CAND2: variants seen among roughly 807,000 people sequenced by gnomAD.
CAND2 encodes the protein cullin associated and neddylation dissociated 2 (putative).
A neutral mutation model predicts 98.9 loss-of-function variants in CAND2; 62 were observed. The ratio of observed to expected loss-of-function variants is 0.63; its 90% CI spans 0.51 to 0.77. The LOEUF (loss-of-function observed/expected upper bound fraction) is 0.77. Ranked by LOEUF, CAND2 falls within the 30% of genes least tolerant of loss-of-function variation. The pLI, the probability that CAND2 is intolerant of heterozygous loss-of-function variation, is 0.00. For missense variants in CAND2, 1,501 were observed against 1,655.2 expected (o/e 0.91, Z 1.62); for synonymous variants, 770 against 731.9 (o/e 1.05, Z -0.84).
rs57339700 is a variant in CAND2, at chr3:12,818,935, A to G, written c.2944+1059A>G. Among the ~76,000 whole-genome samples the G allele has an allele frequency of 7.6e-3, 1,153 of 152,210 alleles. 20 individuals carry two copies. The highest frequency in any genetic ancestry group is 0.026 in the African/African-American group (1,087 of 41,530). ...GGAGCCCTGCTTTGCCTAAACACCTATTTGTTTCTATCTCACGTGCACTGT... is the reference window on the plus strand; with the variant it reads ...GGAGCCCTGCTTTGCCTAAACACCTGTTTGTTTCTATCTCACGTGCACTGT... On this transcript the variant is annotated intron_variant, in intron 10 of 14. Coordinates refer to ENST00000456430, the MANE Select transcript of CAND2 (RefSeq NM_001162499.2).
Position 12,803,581 on chromosome 3 carries a change from C to G in CAND2, c.162C>G (p.Leu54=), listed in dbSNP as rs1433371368. The change falls in exon 2 of 15, where the codon CTC becomes CTG. Residue 54 remains leucine (L), a synonymous_variant. Transcript: ENST00000456430. ...DSERKVVKML[L]RLLEDKNGEV... ...AGCGCAAGGTGGTGAAGATGCTGCTCCGGCTCCTGGAGGACAAGAACGGTG... is the reference window on the plus strand; with the variant it reads ...AGCGCAAGGTGGTGAAGATGCTGCTGCGGCTCCTGGAGGACAAGAACGGTG... 1 of 1,613,204 alleles carries G rather than the reference C, an allele frequency of 6.2e-7. No homozygotes were observed.
rs1575764462 is a variant in CAND2 at position 12,805,205 on chromosome 3, C to T, written c.212+1574C>T. Among the ~76,000 whole-genome samples, 3 of 152,058 alleles carry T rather than the reference C, an allele frequency of 2.0e-5. No individual in the cohort carries two copies. In the East Asian group the frequency reaches 5.8e-4, roughly 29 times the overall value. Reference sequence around the variant, plus strand: ...TCTACACGTGAACTCATCATGAGTACAGATACAGACAGGGGGTGTTGGGGA... The same window carrying T: ...TCTACACGTGAACTCATCATGAGTATAGATACAGACAGGGGGTGTTGGGGA... On this transcript the variant is annotated intron_variant, in intron 2 of 14. Coordinates refer to ENST00000456430, the MANE Select transcript of CAND2 (RefSeq NM_001162499.2).
At chr3:12,828,542 A>G (rs576348854) in intron 13 of CAND2, among the ~76,000 whole-genome samples, 39 of 152,156 alleles carry the variant, frequency 2.6e-4, no homozygotes, top group Admixed American at 1.2e-3. Flanking sequence ...GGGTTTCACC[A>G]TATTGGCCAG....
intron 10 of CAND2, 26 bp from the exon 11 acceptor site, chr3:12,820,060 C>T (rs1389933378): frequency 6.2e-7 from 1 of 1,601,856 alleles, no homozygotes; most frequent in African/African-American, 1.3e-5. Context: ...CTGCCCCTCA[C>T]TAACTCACCT....
chr3:12,818,815 A>C (rs541499455), intron 10 of CAND2, among the ~76,000 whole-genome samples: 43 of 152,362 alleles, frequency 2.8e-4, no homozygotes, highest in African/African-American at 9.9e-4. Flanking sequence ...CGTAAGAAGC[A>C]GTTGTCTGGC....
At chr3:12,826,893 C>T (rs1348235136) in intron 12 of CAND2, among the ~76,000 whole-genome samples, 4 of 149,292 alleles carry the variant, frequency 2.7e-5, no homozygotes, top group Non-Finnish European at 5.9e-5. Flanking sequence ...TGCAGTGGCG[C>T]GATCTCAGCT....
At chr3:12,803,336 G>A (rs1384750310) in intron 1 of CAND2, 152 bp from the exon 2 acceptor site, 57 of 660,810 alleles carry the variant, frequency 8.6e-5, no homozygotes, top group Non-Finnish European at 1.2e-4. Flanking sequence ...TATGTTGCCT[G>A]TCACTTACCA....
chr3:12,802,693 A>G (rs2061775118), intron 1 of CAND2, among the ~76,000 whole-genome samples: 1 of 152,206 alleles, frequency 6.6e-6, no homozygotes, highest in Admixed American at 6.5e-5. Flanking sequence ...TGCCCAAATA[A>G]TCCACCATCA....
rs62637645 is a variant in CAND2 at position 12,815,404 on chromosome 3, G to A, written c.1270G>A (p.Gly424Ser). ...LEAMEEPTQT[G>S]SNLHMLRGQV... ...GGCCATGGAGGAACCCACCCAGACC[G>A]GCAGCAACCTCCATATGCTACGTGG... Residue 424 changes from glycine (G) to serine (S), a missense_variant, in exon 8 of 15, where the codon GGC becomes AGC. Physicochemically the swap from Gly to Ser is moderately conservative, Grantham distance 56. Around this residue, in one of 3 missense-constraint regions of CAND2, gnomAD observed 1,427 missense variants for 1,545.3 expected, o/e 0.92. Transcript: ENST00000456430. This position sits in a 1 kb window ranked among gnomAD's most constrained non-coding sequence, Gnocchi z 5.7. 53 of 1,613,092 alleles carry A rather than the reference G, an allele frequency of 3.3e-5. No individual in the cohort carries two copies. Among genetic ancestry groups the A allele is most frequent in the Middle Eastern group, 3.5e-4 (2 of 5,678 alleles).
At chr3:12,825,003 G>C (rs1236827973) in intron 11 of CAND2, among the ~76,000 whole-genome samples, 1 of 152,172 alleles carries the variant, frequency 6.6e-6, no homozygotes, top group Non-Finnish European at 1.5e-5. Context: ...TGACCTCTCT[G>C]ATCTTTAAGA....
intron 12 of CAND2, among the ~76,000 whole-genome samples, chr3:12,827,229 T>C (rs2062010674): frequency 6.6e-6 from 1 of 152,174 alleles, no homozygotes; most frequent in Admixed American, 6.5e-5. Flanking sequence ...GCCTGCTCAG[T>C]AGATTATAAG....
intron 5 of CAND2, among the ~76,000 whole-genome samples, chr3:12,810,753 C>G (rs947838980): frequency 2.0e-5 from 3 of 152,198 alleles, no homozygotes; most frequent in African/African-American, 7.2e-5. Flanking sequence ...TAGTAACAGC[C>G]CATGAGCCAA....
At chr3:12,820,817 C>T (rs1163763252) in intron 11 of CAND2, among the ~76,000 whole-genome samples, 1 of 152,248 alleles carries the variant, frequency 6.6e-6, no homozygotes, top group Non-Finnish European at 1.5e-5. Flanking sequence ...TCTCAGCCCA[C>T]ATCTAGGCAG....
chr3:12,801,037 T>TA (rs1327904348), intron 1 of CAND2, among the ~76,000 whole-genome samples: 5 of 136,768 alleles, frequency 3.7e-5, no homozygotes, highest in South Asian at 4.5e-4. Flanking sequence ...AATCAGTATT[T>TA]TTTTTTTTTT....
At chr3:12,822,375 A>G (rs1028755768) in intron 11 of CAND2, among the ~76,000 whole-genome samples, 3 of 150,394 alleles carry the variant, frequency 2.0e-5, no homozygotes, top group Non-Finnish European at 4.4e-5. Flanking sequence ...CCTTACTGCA[A>G]CCTGCCTCTC....
At chr3:12,818,629 G>A (rs967090586) in intron 10 of CAND2, among the ~76,000 whole-genome samples, 3 of 152,252 alleles carry the variant, frequency 2.0e-5, no homozygotes, top group South Asian at 2.1e-4. Flanking sequence ...AGTGGGCTTC[G>A]AGCTGGCCAG....
At chr3:12,809,970 G>C in intron 4 of CAND2, 89 bp from the exon 5 acceptor site, 1 of 1,359,280 alleles carries the variant, frequency 7.4e-7, no homozygotes, top group Non-Finnish European at 9.5e-7. Flanking sequence ...TCCTGGGAAG[G>C]AGGCCGGGAG....
In CAND2 at chr3:12,817,424, G is replaced by A. The variant is rs1267688901; in HGVS notation, c.2492G>A (p.Arg831Lys). The A allele has an allele frequency of 1.2e-6, 2 of 1,613,710 alleles. No individual in the cohort carries two copies. The highest frequency in any genetic ancestry group is 1.1e-5 in the South Asian group (1 of 91,086). The part of the protein sequence containing the change: ...STASRLVCDA[R>K]SPHSSTGVKV... ...GCCAGTCGCCTGGTCTGCGATGCCA[G>A]GTCGCCCCACTCCAGCACGGGGGTC... is the stretch of plus-strand genomic sequence containing the variant. Residue 831 changes from arginine to lysine, a missense_variant, in exon 10 of 15, where the codon AGG (arginine) becomes AAG (lysine). Around this residue, in one of 3 missense-constraint regions of CAND2, gnomAD observed 1,427 missense variants for 1,545.3 expected, o/e 0.92. Coordinates refer to ENST00000456430, the MANE Select transcript of CAND2 (RefSeq NM_001162499.2).
intron 11 of CAND2, among the ~76,000 whole-genome samples, chr3:12,821,844 C>T (rs2061959147): frequency 1.3e-5 from 2 of 152,168 alleles, no homozygotes; most frequent in South Asian, 4.1e-4. Flanking sequence ...GGCTTGTCCC[C>T]TGGCTGGCGA....
Sources: gnomAD v4.1 joint callset for allele counts (sites outside exome capture counted in the v4.1 genomes callset) on GRCh38, gnomAD v4.1.1 for gene constraint, gnomAD v4.1.1 regional missense constraint, Gnocchi (gnomAD v3.1) non-coding constraint, MANE v1.5 for transcripts, NCBI Gene and HGNC (gene_info 2026-07-23, HGNC 2026-07-21) for gene names.